PIGK: variants seen among roughly 807,000 people sequenced by gnomAD.
PIGK encodes phosphatidylinositol glycan anchor biosynthesis class K.
PIGK carries 42 observed loss-of-function variants against 50.6 expected under a neutral mutation model. The observed-to-expected ratio is 0.83, with a 90% CI of 0.65 to 1.07. PIGK has a LOEUF of 1.07. Ranked by LOEUF, PIGK falls within the 50% of genes least tolerant of loss-of-function variation. The pLI, the probability that PIGK is intolerant of heterozygous loss-of-function variation, is 0.00. For synonymous variants in PIGK, 151 were observed against 156.0 expected (o/e 0.97, Z 0.24); for missense variants, 448 against 488.7 (o/e 0.92, Z 0.78).
chr1:77,198,564 T>C (rs1656087624), intron 3 of PIGK, among the ~76,000 whole-genome samples: 2 of 151,922 alleles, frequency 1.3e-5, no homozygotes, highest in Non-Finnish European at 2.9e-5. Flanking sequence ...TTTAGCAAGT[T>C]GCTAGAACAA....
chr1:77,201,287 A>ATTTT (rs1268711403), intron 3 of PIGK, among the ~76,000 whole-genome samples: 1 of 152,236 alleles, frequency 6.6e-6, no homozygotes, highest in Non-Finnish European at 1.5e-5. Flanking sequence ...AAAGGGACAA[A>ATTTT]AGACAAAAAG....
intron 3 of PIGK, among the ~76,000 whole-genome samples, chr1:77,193,567 A>G (rs1033338121): frequency 1.3e-5 from 2 of 152,168 alleles, no homozygotes; most frequent in African/African-American, 4.8e-5. Context: ...ATAAGGGAAC[A>G]TTTTTACCAT....
chr1:77,130,765 A>G lies in PIGK; in HGVS notation c.987-8406T>C, dbSNP rs76785726. ...TATTACGTTCCATGAAGAATCCTAGAAAGGCAGAATGTAGTAATAGTTAAG... is the reference window on the plus strand; with the variant it reads ...TATTACGTTCCATGAAGAATCCTAGGAAGGCAGAATGTAGTAATAGTTAAG... On this transcript the variant is annotated intron_variant, in intron 9 of 10. Coordinates refer to ENST00000370812, the MANE Select transcript of PIGK (RefSeq NM_005482.3). 7.3e-3 allele frequency among the ~76,000 whole-genome samples: 1,112 copies of G among 152,258 alleles called. 40 individuals are homozygous for G. In the East Asian group the frequency reaches 0.094, roughly 13 times the overall value.
At chr1:77,194,183 T>A (rs1279654662) in intron 3 of PIGK, among the ~76,000 whole-genome samples, 2 of 152,056 alleles carry the variant, frequency 1.3e-5, no homozygotes, top group Non-Finnish European at 2.9e-5. Flanking sequence ...AAAAATAACA[T>A]ATGCTGGCAA....
chr1:77,181,330 G>C (rs1449835036), intron 3 of PIGK, among the ~76,000 whole-genome samples: 2 of 152,044 alleles, frequency 1.3e-5, no homozygotes, highest in African/African-American at 2.4e-5. Flanking sequence ...ATTTCAAATA[G>C]ATGAACAATC....
intron 3 of PIGK, among the ~76,000 whole-genome samples, chr1:77,176,454 A>G (rs181936775): frequency 6.6e-6 from 1 of 152,296 alleles, no homozygotes; most frequent in Admixed American, 6.5e-5. Context: ...AATATGTCTA[A>G]GTAATGCTAT....
intron 10 of PIGK, among the ~76,000 whole-genome samples, chr1:77,095,823 A>G (rs544057897): frequency 6.6e-6 from 1 of 152,154 alleles, no homozygotes; most frequent in Non-Finnish European, 1.5e-5. Context: ...TTGGAACCAT[A>G]TAACAACCTA....
chr1:77,161,306 T>C lies in PIGK; in HGVS notation c.802A>G (p.Met268Val), dbSNP rs1188456248. ...AAGTGAATACTTACAAGGTCATTCA[T>C]ATTAGTTTGGCTAGCTGGGTTAATT... is the stretch of plus-strand genomic sequence containing the variant. Reference protein sequence around the residue: ...EEINPASQTNMNDLFQVCPKS... With the variant: ...EEINPASQTNVNDLFQVCPKS... The change falls in exon 8 of 11, where the codon ATG becomes GTG. Residue 268 changes from methionine (M) to valine (V), a missense_variant. Transcript: ENST00000370812. The C allele has an allele frequency of 2.7e-6, 4 of 1,505,664 alleles. No individual in the cohort carries two copies. The East Asian group carries it at 6.8e-5, about 26-fold the overall frequency. The allele number at this position is 1,505,664 out of a possible 1,614,324, so 93.3% of individuals were successfully genotyped here.
intron 3 of PIGK, among the ~76,000 whole-genome samples, chr1:77,190,032 T>C (rs931376169): frequency 1.3e-5 from 2 of 152,050 alleles, no homozygotes; most frequent in African/African-American, 4.8e-5. Flanking sequence ...CAGATTTGTC[T>C]GACATGAACG....
intron 10 of PIGK, among the ~76,000 whole-genome samples, chr1:77,093,800 T>G (rs1267563127): frequency 1.3e-5 from 2 of 152,106 alleles, no homozygotes; most frequent in African/African-American, 4.8e-5. Context: ...CCACTCAACA[T>G]GTGTGATGAT....
chr1:77,195,818 T>C lies in PIGK; in HGVS notation c.239+10822A>G, dbSNP rs12145022. 4.1e-3 allele frequency among the ~76,000 whole-genome samples: 631 copies of C among 152,140 alleles called. 8 individuals carry two copies. The highest frequency in any genetic ancestry group is 2.6e-3 in the Non-Finnish European group (179 of 67,978). ...TTTATATATCTATATATTTAAAGTA[T>C]AAATATATACATTTTTTGACTTTTA... On this transcript the variant is annotated intron_variant, in intron 3 of 10. Transcript: ENST00000370812.
At chr1:77,205,583 T>C (rs757455655) in intron 3 of PIGK, among the ~76,000 whole-genome samples, 1 of 152,002 alleles carries the variant, frequency 6.6e-6, no homozygotes, top group Non-Finnish European at 1.5e-5. Context: ...GAAGGTACTA[T>C]TATTACCATG....
intron 6 of PIGK, among the ~76,000 whole-genome samples, chr1:77,163,504 A>G (rs747149200): frequency 1.3e-5 from 2 of 152,188 alleles, no homozygotes; most frequent in Non-Finnish European, 2.9e-5. Flanking sequence ...GGGCCAAAGA[A>G]TGAGCTAGAA....
intron 3 of PIGK, among the ~76,000 whole-genome samples, chr1:77,183,916 T>C (rs550661813): frequency 1.3e-4 from 20 of 152,210 alleles, no homozygotes; most frequent in African/African-American, 4.1e-4. Flanking sequence ...CCAGAAGATA[T>C]ATCCTTGACC....
intron 9 of PIGK, among the ~76,000 whole-genome samples, chr1:77,142,305 T>A (rs1185619705): frequency 6.6e-6 from 1 of 152,160 alleles, no homozygotes; most frequent in Non-Finnish European, 1.5e-5. Context: ...GCTCATTGTA[T>A]CTCTTGCACT....
chr1:77,110,613 G>C (rs1310168089), intron 10 of PIGK, among the ~76,000 whole-genome samples: 2 of 152,124 alleles, frequency 1.3e-5, no homozygotes, highest in Non-Finnish European at 2.9e-5. Context: ...ATTAATTCAA[G>C]ATGGATTAAA....
chr1:77,108,376 T>A (rs1451960847), intron 10 of PIGK, among the ~76,000 whole-genome samples: 1 of 152,210 alleles, frequency 6.6e-6, no homozygotes, highest in East Asian at 1.9e-4. Flanking sequence ...TATGAAATTC[T>A]GGGTTGAAAA....
chr1:77,192,690 T>C (rs1300476766), intron 3 of PIGK, among the ~76,000 whole-genome samples: 2 of 152,168 alleles, frequency 1.3e-5, no homozygotes, highest in Non-Finnish European at 2.9e-5. Context: ...TTAAAATTTC[T>C]TCCACTTCTA....
At chr1:77,191,781 T>G (rs1655910976) in intron 3 of PIGK, among the ~76,000 whole-genome samples, 1 of 152,206 alleles carries the variant, frequency 6.6e-6, no homozygotes, top group Non-Finnish European at 1.5e-5. Context: ...ATCCCATTAC[T>G]TTGGGAGGCC....
Sources: gnomAD v4.1 joint callset for allele counts (sites outside exome capture counted in the v4.1 genomes callset) on GRCh38, gnomAD v4.1.1 for gene constraint, MANE v1.5 for transcripts, NCBI Gene and HGNC (gene_info 2026-07-23, HGNC 2026-07-21) for gene names.